The following PTPRD variants were observed in gnomAD, a reference collection of about 807,000 sequenced individuals.
PTPRD encodes the protein protein tyrosine phosphatase receptor type D, also known as receptor-type tyrosine-protein phosphatase delta.
Under a neutral mutation model 214.5 loss-of-function variants are expected in PTPRD, and 34 were observed. The ratio of observed to expected loss-of-function variants is 0.16; its 90% confidence interval spans 0.12 to 0.21. The LOEUF (loss-of-function observed/expected upper bound fraction) is 0.21. Ranked by LOEUF, PTPRD falls within the 10% of genes least tolerant of loss-of-function variation. PTPRD has a pLI of 1.00. For synonymous variants in PTPRD, 1,128 were observed against 845.7 expected (o/e 1.33, Z -5.79); for missense variants, 2,545 against 2,398.7 (o/e 1.06, Z -1.27).
chr9:10,341,250 A>C (rs943181659), intron 2 of PTPRD, among the ~76,000 whole-genome samples: 1 of 151,980 alleles, frequency 6.6e-6, no homozygotes, highest in Non-Finnish European at 1.5e-5. Context: ...TCAGTTACTA[A>C]GGCTTACTCA....
chr9:8,516,563 A>G (rs1229760669), intron 21 of PTPRD, among the ~76,000 whole-genome samples: 1 of 152,164 alleles, frequency 6.6e-6, no homozygotes, highest in Non-Finnish European at 1.5e-5. Flanking sequence ...TATCAGTGAA[A>G]TAGATGATAG....
At chr9:9,858,191 A>G (rs556741132) in intron 5 of PTPRD, among the ~76,000 whole-genome samples, 1 of 152,230 alleles carries the variant, frequency 6.6e-6, no homozygotes, top group Non-Finnish European at 1.5e-5. Context: ...CATCATTAAA[A>G]TACGGATTAT....
chr9:9,192,344 C>G (rs2099935768), intron 9 of PTPRD, among the ~76,000 whole-genome samples: 1 of 152,010 alleles, frequency 6.6e-6, no homozygotes, highest in Non-Finnish European at 1.5e-5. Context: ...TGTGACAATA[C>G]AGTGAAGCAT....
intron 7 of PTPRD, among the ~76,000 whole-genome samples, chr9:9,600,435 C>T (rs1050374725): frequency 5.8e-4 from 88 of 152,124 alleles, no homozygotes; most frequent in African/African-American, 2.1e-3. Flanking sequence ...TTGTATTAGC[C>T]CCCGTTTTAA....
intron 11 of PTPRD, among the ~76,000 whole-genome samples, chr9:8,890,399 G>C (rs532277294): frequency 6.6e-6 from 1 of 152,220 alleles, no homozygotes; most frequent in African/African-American, 2.4e-5. Context: ...GAAACTATTG[G>C]CCTCAGGCAA....
At chr9:9,377,437 A>G (rs984094344) in intron 9 of PTPRD, among the ~76,000 whole-genome samples, 3 of 151,638 alleles carry the variant, frequency 2.0e-5, no homozygotes, top group African/African-American at 7.3e-5. Flanking sequence ...TAGAAAAATA[A>G]TAATATTAAT....
intron 3 of PTPRD, among the ~76,000 whole-genome samples, chr9:10,067,879 T>C (rs1253206036): frequency 6.6e-6 from 1 of 151,946 alleles, no homozygotes; most frequent in Non-Finnish European, 1.5e-5. Flanking sequence ...CCAATTTTTC[T>C]GGTGAAATAC....
At chr9:9,361,792 C>T (rs370752085) in intron 9 of PTPRD, among the ~76,000 whole-genome samples, 18 of 151,116 alleles carry the variant, frequency 1.2e-4, no homozygotes, top group African/African-American at 4.1e-4. Context: ...AGATTTCTCC[C>T]TTGGTAGCTT....
At chr9:9,318,915 G>A (rs1311863118) in intron 9 of PTPRD, among the ~76,000 whole-genome samples, 3 of 152,078 alleles carry the variant, frequency 2.0e-5, no homozygotes, top group Non-Finnish European at 4.4e-5. Context: ...ATTGATTTAT[G>A]CCAGCTCAAT....
intron 9 of PTPRD, among the ~76,000 whole-genome samples, chr9:9,242,660 C>T (rs181180213): frequency 8.5e-5 from 13 of 152,236 alleles, no homozygotes; most frequent in South Asian, 6.2e-4. Context: ...GCATTCGTCA[C>T]GTAGTTCTTG....
chr9:8,811,238 C>G (rs1334556103), intron 11 of PTPRD, among the ~76,000 whole-genome samples: 1 of 152,098 alleles, frequency 6.6e-6, no homozygotes, highest in African/African-American at 2.4e-5. Context: ...GAACCCTTCC[C>G]GACAACTTCC....
At chr9:10,002,253 CA>C (rs201812869) in intron 4 of PTPRD, among the ~76,000 whole-genome samples, 1 of 145,108 alleles carries the variant, frequency 6.9e-6, no homozygotes, top group African/African-American at 2.5e-5. Context: ...AACATAGGAA[CA>C]AAAAAAAGAC....
chr9:10,390,192 C>T (rs1565726932), intron 2 of PTPRD, among the ~76,000 whole-genome samples: 1 of 151,780 alleles, frequency 6.6e-6, no homozygotes, highest in Non-Finnish European at 1.5e-5. Context: ...TCTTACTTAT[C>T]TCTGTATTAT....
intron 10 of PTPRD, among the ~76,000 whole-genome samples, chr9:9,114,826 A>T (rs1220525754): frequency 2.0e-5 from 3 of 152,194 alleles, no homozygotes; most frequent in Middle Eastern, 3.4e-3. Flanking sequence ...GGCCTTGGGC[A>T]TTATCTAGAA....
chr9:8,703,908 CCCT>C, intron 12 of PTPRD, among the ~76,000 whole-genome samples: 1 of 152,308 alleles, frequency 6.6e-6, no homozygotes, highest in East Asian at 1.9e-4. Context: ...AACAACTCTA[CCCT>C]CCTCCGAGTG....
chr9:8,496,171 AAC>A (rs566859758), intron 26 of PTPRD, among the ~76,000 whole-genome samples: 13,641 of 134,782 alleles, frequency 0.1, 638 homozygotes, highest in Admixed American at 0.15. Context: ...CCAACTCTCC[AAC>A]ACACACACAC....
intron 3 of PTPRD, among the ~76,000 whole-genome samples, chr9:10,280,548 T>C (rs553397883): frequency 1.3e-5 from 2 of 152,180 alleles, no homozygotes; most frequent in African/African-American, 4.8e-5. Flanking sequence ...ACGAAGATCC[T>C]GTTACTGGGC....
At chr9:9,035,394 G>T (rs1396926453) in intron 10 of PTPRD, among the ~76,000 whole-genome samples, 1 of 152,048 alleles carries the variant, frequency 6.6e-6, no homozygotes, top group South Asian at 2.1e-4. Context: ...ATTGAGGAAT[G>T]TCTTTCTCAA....
chr9:9,082,426 A>G (rs571394537), intron 10 of PTPRD, among the ~76,000 whole-genome samples: 2 of 152,142 alleles, frequency 1.3e-5, no homozygotes, highest in African/African-American at 4.8e-5. Context: ...AAAACTCTCA[A>G]TAAACTAGGT....
Sources: gnomAD v4.1 joint callset for allele counts (sites outside exome capture counted in the v4.1 genomes callset) on GRCh38, gnomAD v4.1.1 for gene constraint, MANE v1.5 for transcripts, NCBI Gene and HGNC (gene_info 2026-07-23, HGNC 2026-07-21) for gene names.